The following NEO1 variants were observed in gnomAD, a reference collection of about 807,000 sequenced individuals.
The protein encoded by NEO1 is neogenin.
A neutral mutation model predicts 159.7 loss-of-function variants in NEO1; 63 were observed. The observed-to-expected ratio is 0.39, with a 90% CI of 0.32 to 0.49. NEO1 has a LOEUF of 0.49. Among genes scored for constraint, NEO1 ranks in the 20% least tolerant of loss-of-function variants. NEO1 has a pLI of 0.85. For synonymous variants in NEO1, 633 were observed against 662.0 expected (o/e 0.96, Z 0.67); for missense variants, 1,615 against 1,831.0 (o/e 0.88, Z 2.15).
Position 73,249,150 on chromosome 15 carries a change from A to T in NEO1, c.1697A>T (p.Asn566Ile). ...ACGTGGGAAACACCAGTGTCTGGCA[A>T]TGGGGAAATTCAGAATTATAAATTG... The part of the protein sequence containing the change: ...TVTWETPVSG[N>I]GEIQNYKLYY... The change falls in exon 10 of 29, where the codon AAT (asparagine) becomes ATT (isoleucine). Residue 566 changes from asparagine (N) to isoleucine (I), a missense_variant. Physicochemically the swap from Asn to Ile is moderately radical, Grantham distance 149 (BLOSUM62 -3). Around this residue, in one of 3 missense-constraint regions of NEO1, gnomAD observed 1,018 missense variants for 1,115.4 expected, o/e 0.91. Coordinates refer to ENST00000261908, the MANE Select transcript of NEO1 (RefSeq NM_002499.4). The T allele has an allele frequency of 1.2e-6, 2 of 1,614,062 alleles. No homozygotes were observed. Among genetic ancestry groups the T allele is most frequent in the East Asian group, 2.2e-5 (1 of 44,862 alleles).
At chr15:73,135,187 T>A (rs1431584285) in intron 4 of NEO1, among the ~76,000 whole-genome samples, 1 of 152,230 alleles carries the variant, frequency 6.6e-6, no homozygotes, top group East Asian at 1.9e-4. Flanking sequence ...GTATTGATTG[T>A]TCTTCAATGT....
In NEO1 at chr15:73,231,796, C is replaced by T. The variant is rs192403375; in HGVS notation, c.1292-4551C>T. Among the ~76,000 whole-genome samples the T allele has an allele frequency of 1.2e-4, 18 of 152,274 alleles. No homozygotes were observed. In the East Asian group the frequency reaches 3.3e-3, roughly 28 times the overall value. On this transcript the variant is annotated intron_variant, in intron 7 of 28. Transcript: ENST00000261908. ...GGCATGGGAAACTGACCAAAACAAACGAGAAACTCTAGCTGCCTCCACTGC... is the reference window on the plus strand; with the variant it reads ...GGCATGGGAAACTGACCAAAACAAATGAGAAACTCTAGCTGCCTCCACTGC...
chr15:73,206,848 CGTGTGT>C (rs938536165), intron 7 of NEO1, among the ~76,000 whole-genome samples: 1 of 136,306 alleles, frequency 7.3e-6, no homozygotes, highest in Non-Finnish European at 1.6e-5. Flanking sequence ...TGTGTGTGTG[CGTGTGT>C]GTGTGTGTGT....
At chr15:73,284,808 G>A (rs139727361) in intron 23 of NEO1, among the ~76,000 whole-genome samples, 2,229 of 151,612 alleles carry the variant, frequency 0.015, 57 homozygotes, top group African/African-American at 0.051. Flanking sequence ...GGCTGGTCTC[G>A]AATTCCCGAC....
At chr15:73,078,109 G>T (rs749556045) in intron 1 of NEO1, among the ~76,000 whole-genome samples, 13 of 152,134 alleles carry the variant, frequency 8.5e-5, no homozygotes, top group Non-Finnish European at 1.6e-4. Context: ...TAGAAAAGAA[G>T]CGTCCTTGAT....
At chr15:73,079,133 T>C (rs2068918004) in intron 1 of NEO1, among the ~76,000 whole-genome samples, 1 of 152,184 alleles carries the variant, frequency 6.6e-6, no homozygotes, top group East Asian at 1.9e-4. Flanking sequence ...ATAGATTTTG[T>C]TTTGGAATCT....
chr15:73,270,633 C>T (rs2041124936), intron 18 of NEO1, among the ~76,000 whole-genome samples, 179 bp downstream of exon 18: 1 of 152,206 alleles, frequency 6.6e-6, no homozygotes, highest in Non-Finnish European at 1.5e-5. Context: ...TAGCAAATAA[C>T]AGGATACTAC....
At chr15:73,092,575 T>A (rs570455584) in intron 1 of NEO1, among the ~76,000 whole-genome samples, 12 of 152,350 alleles carry the variant, frequency 7.9e-5, no homozygotes, top group African/African-American at 2.9e-4. Context: ...CTGTACCTGG[T>A]CTTTTTCAGT....
chr15:73,243,917 C>G (rs1195368791), intron 8 of NEO1, among the ~76,000 whole-genome samples: 3 of 152,146 alleles, frequency 2.0e-5, no homozygotes, highest in Admixed American at 2.0e-4. Context: ...TTGAGAGTCT[C>G]TTAGCCAAAA....
chr15:73,273,742 T>G, intron 19 of NEO1, 69 bp from the exon 20 acceptor site: 1 of 1,132,520 alleles, frequency 8.8e-7, no homozygotes, highest in Non-Finnish European at 1.3e-6. Context: ...AATAGGTACT[T>G]ATTGATTTAC....
chr15:73,270,988 T>C (rs1049963006), intron 18 of NEO1, among the ~76,000 whole-genome samples: 7 of 152,254 alleles, frequency 4.6e-5, no homozygotes, highest in African/African-American at 1.7e-4. Context: ...CTTTTAGACA[T>C]GCCTTTCTGC....
chr15:73,220,715 G>A (rs576689001), intron 7 of NEO1, among the ~76,000 whole-genome samples: 1 of 152,112 alleles, frequency 6.6e-6, no homozygotes, highest in South Asian at 2.1e-4. Context: ...CCAGTTGATT[G>A]CATCAGCTCC....
intron 1 of NEO1, among the ~76,000 whole-genome samples, chr15:73,094,607 G>A (rs1005655622): frequency 1.3e-5 from 2 of 152,124 alleles, no homozygotes; most frequent in East Asian, 1.9e-4. Context: ...ATTGGTATAC[G>A]TTTTAAGTTT....
intron 7 of NEO1, among the ~76,000 whole-genome samples, chr15:73,186,552 G>A (rs1471535579): frequency 6.6e-6 from 1 of 151,852 alleles, no homozygotes; most frequent in Non-Finnish European, 1.5e-5. Context: ...AGAGATAATT[G>A]ACTGTCTAGA....
At chr15:73,155,243 G>C (rs756419133) in intron 5 of NEO1, among the ~76,000 whole-genome samples, 5 of 151,978 alleles carry the variant, frequency 3.3e-5, no homozygotes, top group Non-Finnish European at 7.4e-5. Flanking sequence ...GATGGTGGTG[G>C]TGGTGGTTTT....
At chr15:73,057,236 A>G (rs989505909) in intron 1 of NEO1, among the ~76,000 whole-genome samples, 7 of 152,212 alleles carry the variant, frequency 4.6e-5, no homozygotes, top group Admixed American at 3.3e-4. Context: ...AAATTATTTG[A>G]AAGTGTAGAC....
chr15:73,269,697 T>C (rs966996155), intron 16 of NEO1, among the ~76,000 whole-genome samples: 1 of 152,174 alleles, frequency 6.6e-6, no homozygotes, highest in African/African-American at 2.4e-5. Context: ...AATTTTCAAG[T>C]TATTTTAAGA....
At chr15:73,244,954 C>CAAAA (rs57566986) in intron 9 of NEO1, among the ~76,000 whole-genome samples, 203 of 16,500 alleles carry the variant, frequency 0.012, 38 homozygotes, top group African/African-American at 0.037. Flanking sequence ...GACTCTGTCT[C>CAAAA]AAAAAAAAAA....
chr15:73,110,707 G>A (rs928176337), intron 1 of NEO1, among the ~76,000 whole-genome samples: 2 of 152,164 alleles, frequency 1.3e-5, no homozygotes, highest in African/African-American at 4.8e-5. Context: ...TGGGAATGTA[G>A]AAGATATTAG....
Sources: allele counts gnomAD v4.1 joint callset (sites outside exome capture counted in the v4.1 genomes callset), GRCh38; gene constraint gnomAD v4.1.1; regional missense constraint gnomAD v4.1.1; transcripts MANE v1.5; gene names NCBI Gene and HGNC (gene_info 2026-07-23, HGNC 2026-07-21).